Variants in BOD1L1 observed in about 807,000 individuals in gnomAD.
BOD1L1 encodes the protein biorientation of chromosomes in cell division 1 like 1.
A neutral mutation model predicts 240.7 loss-of-function variants in BOD1L1; 86 were observed. The observed-to-expected ratio is 0.36, with a 90% confidence interval of 0.30 to 0.43. The LOEUF (loss-of-function observed/expected upper bound fraction) is 0.43, where lower values mean the gene tolerates loss of function less well. Ranked by LOEUF, BOD1L1 falls within the 20% of genes least tolerant of loss-of-function variation. BOD1L1 has a pLI of 1.00. For missense variants in BOD1L1, 3,554 were observed against 3,643.5 expected (o/e 0.98, Z 0.63); for synonymous variants, 1,268 against 1,272.3 (o/e 1.00, Z 0.07).
chr4:13,579,957 G>C lies in BOD1L1; in HGVS notation c.8720C>G (p.Ser2907Cys), dbSNP rs143854601. The C allele has an allele frequency of 4.7e-5, 73 of 1,559,016 alleles. No individual in the cohort carries two copies. The highest frequency in any genetic ancestry group is 6.2e-5 in the Non-Finnish European group (71 of 1,150,382). Residue 2907 changes from serine (S) to cysteine (C), a missense_variant, in exon 22 of 26, where the codon TCT becomes TGT. Coordinates refer to ENST00000040738, the MANE Select transcript of BOD1L1 (RefSeq NM_148894.3). ...TTGCATTACTTTCAGTTTGCTGCTA[G>C]ATGGAGATTGTTCTACCTATGTTTA... The part of the protein sequence containing the change: ...TGIVTVEQSP[S>C]SSKLKVMQTD...
chr4:13,586,294 G>A (rs1713679371), intron 17 of BOD1L1, 102 bp downstream of exon 17: 6 of 550,936 alleles, frequency 1.1e-5, no homozygotes, highest in Admixed American at 3.7e-5. Flanking sequence ...ATTTAAAGAG[G>A]GATAGTAAAA....
At chr4:13,592,131 T>G in intron 12 of BOD1L1, 165 bp from the exon 13 acceptor site, 1 of 569,858 alleles carries the variant, frequency 1.8e-6, no homozygotes, top group Non-Finnish European at 3.1e-6. Context: ...CCACAATCAA[T>G]CCATGTTGTA....
chr4:13,583,112 A>T (rs979968118), intron 17 of BOD1L1, among the ~76,000 whole-genome samples: 10 of 152,122 alleles, frequency 6.6e-5, no homozygotes, highest in African/African-American at 2.2e-4. Flanking sequence ...GAGGGGAGAG[A>T]TGTGGGGAAG....
At chr4:13,619,593 T>A (rs574740553) in intron 2 of BOD1L1, among the ~76,000 whole-genome samples, 2 of 152,186 alleles carry the variant, frequency 1.3e-5, no homozygotes, top group East Asian at 3.9e-4. Context: ...AAAATAAGAA[T>A]AATAAAGCCT....
intron 25 of BOD1L1, among the ~76,000 whole-genome samples, chr4:13,570,844 C>T (rs1577299317): frequency 6.6e-6 from 1 of 152,128 alleles, no homozygotes; most frequent in East Asian, 1.9e-4. Context: ...CATCACAAAG[C>T]AAGATGCCCC....
rs745661426 is a variant in BOD1L1 at position 13,586,354 on chromosome 4, T to G, written c.8433+42A>C. The G allele has an allele frequency of 7.4e-6, 10 of 1,357,596 alleles. No individual in the cohort carries two copies. The East Asian group carries it at 2.3e-4, about 31-fold the overall frequency. The allele number at this position is 1,357,596 out of a possible 1,614,324, so 84.1% of individuals were successfully genotyped here. ...TTACAATGCTGTAATTAGGCCTCCC[T>G]ACCCCCACCCAAAACTTAAAACTAA... On this transcript the variant is annotated intron_variant, in intron 17 of 25. Transcript: ENST00000040738.
rs1439293359 is a variant in BOD1L1, at chr4:13,600,057, G to T, written c.6843C>A (p.Val2281=). 1 of 1,612,338 alleles carries T rather than the reference G, an allele frequency of 6.2e-7. No homozygotes were observed. Among genetic ancestry groups the T allele is most frequent in the Admixed American group, 1.7e-5 (1 of 59,778 alleles). Residue 2281 remains valine, a synonymous_variant, in exon 10 of 26, where the codon GTC becomes GTA. Transcript: ENST00000040738. The part of the protein sequence containing the change: ...AVPQEEGDPS[V]TPAEEMGDTA... Reference sequence around the variant, plus strand: ...TGTCACCCATCTCTTCCGCTGGTGTGACTGAGGGGTCGCCTTCCTCTTGAG... The same window carrying T: ...TGTCACCCATCTCTTCCGCTGGTGTTACTGAGGGGTCGCCTTCCTCTTGAG...
chr4:13,596,785 A>C (rs1714653394), intron 11 of BOD1L1, among the ~76,000 whole-genome samples: 1 of 152,200 alleles, frequency 6.6e-6, no homozygotes, highest in South Asian at 2.1e-4. Flanking sequence ...ATGACTGTAG[A>C]AACAGAAATA....
chr4:13,588,038 A>G (rs1337925195), intron 15 of BOD1L1, among the ~76,000 whole-genome samples: 1 of 152,136 alleles, frequency 6.6e-6, no homozygotes, highest in Non-Finnish European at 1.5e-5. Context: ...ACAGAAAAAA[A>G]TTAGCTGGGC....
chr4:13,610,386 C>T (rs10008920), intron 6 of BOD1L1, among the ~76,000 whole-genome samples: 3,383 of 152,300 alleles, frequency 0.022, 132 homozygotes, highest in African/African-American at 0.078. Context: ...GTGAAGCACT[C>T]AGGTTGTTAC....
In BOD1L1 at chr4:13,603,550, T is replaced by C. The variant is rs1396439378; in HGVS notation, c.3350A>G (p.Gln1117Arg). The C allele has an allele frequency of 6.2e-7, 1 of 1,613,918 alleles. No homozygotes were observed. The highest frequency in any genetic ancestry group is 2.2e-5 in the East Asian group (1 of 44,896). ...CTCAGAATCAATTTCCATTGGCTCTTGTTCAGGGATCAATGTCATATCACC... is the reference window on the plus strand; with the variant it reads ...CTCAGAATCAATTTCCATTGGCTCTCGTTCAGGGATCAATGTCATATCACC... ...KSGDMTLIPE[Q>R]EPMEIDSEPG... Residue 1117 changes from glutamine (Q) to arginine (R), a missense_variant, in exon 10 of 26, where the codon CAA becomes CGA. By Grantham distance (43) the Gln-to-Arg change is conservative. This residue lies in a region of BOD1L1 where 3,393 missense variants were observed against 3,427.1 expected (regional missense o/e 0.99). Coordinates refer to ENST00000040738, the MANE Select transcript of BOD1L1 (RefSeq NM_148894.3).
intron 2 of BOD1L1, among the ~76,000 whole-genome samples, chr4:13,617,098 AG>A (rs1255071126): frequency 2.0e-5 from 3 of 152,034 alleles, no homozygotes; most frequent in African/African-American, 7.2e-5. Flanking sequence ...TACAAAAATT[AG>A]CTGGGTGTGG....
rs16888865 is a variant in BOD1L1 at position 13,591,338 on chromosome 4, G to A, written c.8148+585C>T. Among the ~76,000 whole-genome samples the A allele has an allele frequency of 9.1e-3, 1,383 of 152,226 alleles. 12 individuals carry two copies. Among genetic ancestry groups the A allele is most frequent in the Middle Eastern group, 0.017 (5 of 294 alleles). On this transcript the variant is annotated intron_variant, in intron 13 of 25. Transcript: ENST00000040738. The stretch of plus-strand genomic sequence containing the variant: ...CTTGATGAGGAAGTACTCTGATCCC[G>A]CGGTTCACTGATAGTACCCCAATTC...
chr4:13,609,268 T>C, intron 7 of BOD1L1, 27 bp downstream of exon 7: 1 of 1,326,902 alleles, frequency 7.5e-7, no homozygotes, highest in Non-Finnish European at 1.0e-6. Flanking sequence ...TGAGATAGTT[T>C]AAAATATTAA....
intron 6 of BOD1L1, 121 bp from the exon 7 acceptor site, chr4:13,609,527 A>T: frequency 1.8e-6 from 1 of 568,172 alleles, no homozygotes; most frequent in African/African-American, 1.9e-5. Context: ...CGGGCTCTGA[A>T]AAAATGCACA....
chr4:13,602,494 A>T lies in BOD1L1; in HGVS notation c.4406T>A (p.Ile1469Lys), dbSNP rs773244880. The change falls in exon 10 of 26, where the codon ATA becomes AAA. Residue 1469 changes from isoleucine to lysine, a missense_variant. By Grantham distance (102) the Ile-to-Lys change is moderately radical (BLOSUM62 -3). This residue lies in a region of BOD1L1 where 3,393 missense variants were observed against 3,427.1 expected (regional missense o/e 0.99). Coordinates refer to ENST00000040738, the MANE Select transcript of BOD1L1 (RefSeq NM_148894.3). ...ATTCCTTCTTTCAACATCAATTGAT[A>T]TGTCTTTTACTTTACCTGGGCTTCT... ...HKRSPGKVKDISIDVERRNEN... is the reference protein window; with the variant it reads ...HKRSPGKVKDKSIDVERRNEN... The T allele has an allele frequency of 2.1e-5, 34 of 1,613,786 alleles. No individual in the cohort carries two copies.
In BOD1L1 at chr4:13,579,828, T is replaced by C; in HGVS notation, c.8749+100A>G. 3.2e-6 allele frequency: 3 copies of C among 943,072 alleles called. No homozygotes were observed. The East Asian group carries it at 8.3e-5, about 26-fold the overall frequency. 58.4% of individuals were successfully genotyped at this position (943,072 alleles called of 1,614,324 possible). A position where few individuals can be genotyped will look rare whatever the true frequency, so the allele number is the denominator to read the frequency against. ...TATTTTTACCAAGGGGGCCACCCAC[T>C]TCAATGAGAGGCAGAATGGAAGTTC... On this transcript the variant is annotated intron_variant, in intron 22 of 25. Transcript: ENST00000040738.
chr4:13,617,722 G>C (rs1266666054), intron 2 of BOD1L1, among the ~76,000 whole-genome samples: 1 of 152,108 alleles, frequency 6.6e-6, no homozygotes, highest in East Asian at 1.9e-4. Flanking sequence ...TGAAATTACT[G>C]GTATTAGACC....
At chr4:13,573,474 T>TCTATCTATCTATCTATCTATCTATCTA (rs1560175491) in intron 25 of BOD1L1, among the ~76,000 whole-genome samples, 4 of 23,788 alleles carry the variant, frequency 1.7e-4, no homozygotes, top group Non-Finnish European at 6.1e-4. Flanking sequence ...CTATCTATCT[T>TCTATCTATCTATCTATCTATCTATCTA]TCTTTCTTTC....
Sources: gnomAD v4.1 joint callset for allele counts (sites outside exome capture counted in the v4.1 genomes callset) on GRCh38, gnomAD v4.1.1 for gene constraint, gnomAD v4.1.1 regional missense constraint, MANE v1.5 for transcripts, NCBI Gene and HGNC (gene_info 2026-07-23, HGNC 2026-07-21) for gene names.